The following CCDC152 variants were observed in gnomAD, a reference collection of about 807,000 sequenced individuals.
CCDC152 encodes the protein coiled-coil domain-containing protein 152.
Under a neutral mutation model 38.1 loss-of-function variants are expected in CCDC152, and 37 were observed. The observed-to-expected ratio is 0.97, with a 90% CI of 0.75 to 1.28. CCDC152 has a LOEUF of 1.28. Ranked by LOEUF, CCDC152 falls within the 50% of genes most tolerant of loss-of-function variation. The pLI, the probability that CCDC152 is intolerant of heterozygous loss-of-function variation, is 0.00. For missense variants in CCDC152, 259 were observed against 292.1 expected, an observed-to-expected ratio of 0.89 and a Z score of 0.83; for synonymous variants, 83 against 87.1, an observed-to-expected ratio of 0.95 and a Z score of 0.26.
At chr5:42,775,221 C>T (rs1169695747) in intron 4 of CCDC152, among the ~76,000 whole-genome samples, 1 of 152,060 alleles carries the variant, frequency 6.6e-6, no homozygotes, top group Non-Finnish European at 1.5e-5. Context: ...ATCCAGGAAG[C>T]TCAGTGAACA....
At position 42,801,166 on chromosome 5, in the gene CCDC152, C is replaced by A. The variant is rs3877899; in HGVS notation, c.*1385C>A. The A allele has an allele frequency of 6.2e-7, 1 of 1,613,856 alleles. No homozygotes were observed. The highest frequency in any genetic ancestry group is 8.5e-7 in the Non-Finnish European group (1 of 1,179,968). On this transcript the variant is annotated 3_prime_UTR_variant, in exon 9 of 9. Transcript: ENST00000361970. ...CCTGGAGGAGCAGGATGAGTAGGAG[C>A]ATTTGGTGCTCCTGGTTGCTGATTC...
At position 42,762,439 on chromosome 5, in the gene CCDC152, A is replaced by G. The variant is rs1037317407; in HGVS notation, c.88-4A>G. 2.2e-6 allele frequency: 3 copies of G among 1,394,622 alleles called. No individual in the cohort carries two copies. The highest frequency in any genetic ancestry group is 1.4e-5 in the African/African-American group (1 of 69,122). The allele number at this position is 1,394,622 out of a possible 1,614,324, so 86.4% of individuals were successfully genotyped here. A position where few individuals can be genotyped will look rare whatever the true frequency, so the allele number is the denominator to read the frequency against. On this transcript the variant is annotated splice_polypyrimidine_tract_variant and splice_region_variant and intron_variant, in intron 2 of 8. Coordinates refer to ENST00000361970, the MANE Select transcript of CCDC152 (RefSeq NM_001134848.2). The stretch of plus-strand genomic sequence containing the variant: ...TAATAATAAGTATTCTATTTCTTCT[A>G]CAGAAAATGGTAGAAACCAATGGAA...
chr5:42,765,585 A>C (rs1321088675), intron 3 of CCDC152, among the ~76,000 whole-genome samples: 1 of 152,176 alleles, frequency 6.6e-6, no homozygotes. Flanking sequence ...AATGTAATAG[A>C]ATAGAGAACC....
chr5:42,795,791 G>A (rs230809), intron 6 of CCDC152, among the ~76,000 whole-genome samples: 5,714 of 151,870 alleles, frequency 0.038, 257 homozygotes, highest in South Asian at 0.18. Flanking sequence ...ACATGCACGC[G>A]TATGTTTATT....
chr5:42,779,582 AGG>A, intron 5 of CCDC152, 60 bp downstream of exon 5: 1 of 877,720 alleles, frequency 1.1e-6, no homozygotes. Context: ...TTTTCAAATT[AGG>A]AAAAAAAAAG....
At chr5:42,792,036 C>T (rs563732121) in intron 6 of CCDC152, among the ~76,000 whole-genome samples, 1 of 152,330 alleles carries the variant, frequency 6.6e-6, no homozygotes, top group Admixed American at 6.5e-5. Flanking sequence ...GCATCCTTCA[C>T]CACAGGGGAA....
At chr5:42,772,934 A>G (rs191328604) in intron 4 of CCDC152, among the ~76,000 whole-genome samples, 1 of 152,200 alleles carries the variant, frequency 6.6e-6, no homozygotes, top group East Asian at 1.9e-4. Context: ...CCCTTCATTC[A>G]CTTAACCATA....
rs1055330997 is a variant in CCDC152, at chr5:42,801,638, C to G, written c.*1857C>G. On this transcript the variant is annotated 3_prime_UTR_variant, in exon 9 of 9. Transcript: ENST00000361970. Reference sequence around the variant, plus strand: ...AATCCTAAATTCAGTTGATCTGGGCCGAGCATGGTGGCTCATGCCTGTAAT... The same window carrying G: ...AATCCTAAATTCAGTTGATCTGGGCGGAGCATGGTGGCTCATGCCTGTAAT... 8 of 379,152 alleles carry G rather than the reference C, an allele frequency of 2.1e-5. No individual in the cohort carries two copies. The highest frequency in any genetic ancestry group is 3.7e-5 in the Non-Finnish European group (8 of 214,770). The allele number at this position is 379,152 out of a possible 1,614,324, so 23.5% of individuals were successfully genotyped here. A position where few individuals can be genotyped will look rare whatever the true frequency, so the allele number is the denominator to read the frequency against.
Position 42,762,321 on chromosome 5 carries a change from AT to A in CCDC152, c.88-115del, listed in dbSNP as rs374710546. On this transcript the variant is annotated intron_variant, in intron 2 of 8. Transcript: ENST00000361970. ...TTATGCAGTACATGACTGTATATGTATTTTTTTATTAGACTATCAGATATTA... is the reference window on the plus strand; with the variant it reads ...TTATGCAGTACATGACTGTATATGTATTTTTTATTAGACTATCAGATATTA... 1,076 of 602,570 alleles carry A rather than the reference AT, an allele frequency of 1.8e-3. 4 individuals carry two copies. Among genetic ancestry groups the A allele is most frequent in the Non-Finnish European group, 2.8e-3 (964 of 338,330 alleles). 37.3% of individuals were successfully genotyped at this position (602,570 alleles called of 1,614,324 possible).
chr5:42,801,852 G>C lies in CCDC152; in HGVS notation c.*2071G>C, dbSNP rs1435220784. 6.5e-6 allele frequency: 1 copy of C among 153,380 alleles called. No individual in the cohort carries two copies. The highest frequency in any genetic ancestry group is 1.5e-5 in the Non-Finnish European group (1 of 68,960). The allele number at this position is 153,380 out of a possible 1,614,324, so 9.5% of individuals were successfully genotyped here. A position where few individuals can be genotyped will look rare whatever the true frequency, so the allele number is the denominator to read the frequency against. On this transcript the variant is annotated 3_prime_UTR_variant, in exon 9 of 9. Coordinates refer to ENST00000361970, the MANE Select transcript of CCDC152 (RefSeq NM_001134848.2). ...GGATCGTTTGAGCCTGCAAGATGGA[G>C]GTTGCAGTGAGCTCAGATGGTGCCA...
At chr5:42,784,319 G>A (rs1759890820) in intron 6 of CCDC152, among the ~76,000 whole-genome samples, 2 of 152,048 alleles carry the variant, frequency 1.3e-5, no homozygotes, top group Non-Finnish European at 1.5e-5. Context: ...GTTTGAGAAG[G>A]TATCTTATTG....
intron 4 of CCDC152, among the ~76,000 whole-genome samples, chr5:42,777,657 C>T (rs965980433): frequency 2.1e-4 from 32 of 152,138 alleles, no homozygotes; most frequent in African/African-American, 6.3e-4. Context: ...CTTTTCCTAT[C>T]GGTTTCTCAT....
chr5:42,779,522 G>T lies in CCDC152; in HGVS notation c.327G>T (p.Gln109His). The T allele has an allele frequency of 1.3e-6, 2 of 1,488,092 alleles. No homozygotes were observed. Among genetic ancestry groups the T allele is most frequent in the Non-Finnish European group, 1.8e-6 (2 of 1,090,042 alleles). 92.2% of individuals were successfully genotyped at this position (1,488,092 alleles called of 1,614,324 possible). The change falls in exon 5 of 9, where the codon CAG (glutamine) becomes CAT (histidine). Residue 109 changes from glutamine to histidine, a missense_variant and splice_region_variant. Gln to His is a conservative substitution (Grantham distance 24, BLOSUM62 0). Transcript: ENST00000361970. ...LIKEKLKSHE[Q>H]EYKNNIAKLV... ...AAGAGAAGTTAAAGTCTCATGAACAGGTGAGTTTATGTATCATTCTATTCA... is the reference window on the plus strand; with the variant it reads ...AAGAGAAGTTAAAGTCTCATGAACATGTGAGTTTATGTATCATTCTATTCA...
chr5:42,786,089 C>T (rs888691437), intron 6 of CCDC152, among the ~76,000 whole-genome samples: 1 of 151,806 alleles, frequency 6.6e-6, no homozygotes, highest in Non-Finnish European at 1.5e-5. Flanking sequence ...TTACTGGGTC[C>T]TTGCCAGATT....
At position 42,799,971 on chromosome 5, in the gene CCDC152, AG is replaced by A. The variant is rs754638777; in HGVS notation, c.*192del. The A allele has an allele frequency of 5.6e-4, 347 of 617,752 alleles. No homozygotes were observed. The highest frequency in any genetic ancestry group is 8.7e-4 in the Non-Finnish European group (323 of 372,846). 38.3% of individuals were successfully genotyped at this position (617,752 alleles called of 1,614,324 possible). On this transcript the variant is annotated 3_prime_UTR_variant, in exon 9 of 9. Coordinates refer to ENST00000361970, the MANE Select transcript of CCDC152 (RefSeq NM_001134848.2). ...TCTTGCTTAATAGTATTAACCATAA[AG>A]GAGGTCAGGTTTATAGGGTTTGGTT...
At position 42,801,165 on chromosome 5, in the gene CCDC152, G is replaced by T. The variant is rs1760188369; in HGVS notation, c.*1384G>T. On this transcript the variant is annotated 3_prime_UTR_variant, in exon 9 of 9. Coordinates refer to ENST00000361970, the MANE Select transcript of CCDC152 (RefSeq NM_001134848.2). ...GCCTGGAGGAGCAGGATGAGTAGGA[G>T]CATTTGGTGCTCCTGGTTGCTGATT... 6.2e-7 allele frequency: 1 copy of T among 1,614,144 alleles called. No individual in the cohort carries two copies. The highest frequency in any genetic ancestry group is 8.5e-7 in the Non-Finnish European group (1 of 1,180,032).
chr5:42,783,221 A>G (rs544354143), intron 5 of CCDC152, among the ~76,000 whole-genome samples: 1 of 152,186 alleles, frequency 6.6e-6, no homozygotes, highest in Non-Finnish European at 1.5e-5. Flanking sequence ...AATAAAATAA[A>G]ATGGGTCTAT....
intron 3 of CCDC152, among the ~76,000 whole-genome samples, chr5:42,764,826 G>T (rs1030861490): frequency 1.3e-5 from 2 of 152,130 alleles, no homozygotes; most frequent in African/African-American, 2.4e-5. Context: ...CATACTGAAT[G>T]GGGAAAAACT....
intron 4 of CCDC152, among the ~76,000 whole-genome samples, chr5:42,775,022 T>G (rs1759753310): frequency 1.8e-5 from 2 of 113,500 alleles, no homozygotes; most frequent in African/African-American, 6.7e-5. Flanking sequence ...AACTGAAATT[T>G]CAGAAAAAAA....
Sources: allele counts gnomAD v4.1 joint callset (sites outside exome capture counted in the v4.1 genomes callset), GRCh38; gene constraint gnomAD v4.1.1; transcripts MANE v1.5; gene names NCBI Gene and HGNC (gene_info 2026-07-23, HGNC 2026-07-21).